MAD1L1: variants seen among roughly 807,000 people sequenced by gnomAD.
MAD1L1 encodes mitotic spindle assembly checkpoint protein MAD1.
A neutral mutation model predicts 96.9 loss-of-function variants in MAD1L1; 95 were observed. The ratio of observed to expected loss-of-function variants is 0.98; its 90% CI spans 0.83 to 1.16. The LOEUF is 1.16. MAD1L1 is among the 50% of genes most tolerant of loss of function. The pLI is 0.00. For missense variants in MAD1L1, 1,007 were observed against 954.4 expected (o/e 1.06, Z -0.73); for synonymous variants, 473 against 396.6 (o/e 1.19, Z -2.29).
Position 2,170,575 on chromosome 7 carries a change from G to A in MAD1L1, c.987-21337C>T, listed in dbSNP as rs181183417. On this transcript the variant is annotated intron_variant, in intron 10 of 18. Transcript: ENST00000265854. ...CTTCATCGTGACATCGGCAGGGACA[G>A]ACAAACAGCTTTGAGCAGGGTCTCG... Among the ~76,000 whole-genome samples the A allele has an allele frequency of 9.0e-3, 1,370 of 152,336 alleles. 13 individuals carry two copies. The highest frequency in any genetic ancestry group is 0.017 in the South Asian group (82 of 4,824).
rs1789334093 is a variant in MAD1L1, at chr7:2,146,872, G to A, written c.1073+2280C>T. On this transcript the variant is annotated intron_variant, in intron 11 of 18. Transcript: ENST00000265854. This position sits in a 1 kb window ranked among gnomAD's most constrained non-coding sequence, Gnocchi z 6.2. The stretch of plus-strand genomic sequence containing the variant: ...GCCACGGCAGGCCGCGACGAACACG[G>A]TGTCCCGCCACGGAAGAGAGCAGCA... Among the ~76,000 whole-genome samples the A allele has an allele frequency of 6.6e-6, 1 of 152,198 alleles. No individual in the cohort carries two copies. The highest frequency in any genetic ancestry group is 2.4e-5 in the African/African-American group (1 of 41,434).
intron 15 of MAD1L1, among the ~76,000 whole-genome samples, chr7:1,970,636 T>C (rs67059662): frequency 0.063 from 9,526 of 152,200 alleles, 442 homozygotes; most frequent in Admixed American, 0.11. Context: ...GCCCAGCCTA[T>C]TATATAATTT....
intron 17 of MAD1L1, among the ~76,000 whole-genome samples, chr7:1,929,141 TTCCCCTCCCTCC>T (rs1554297672): frequency 6.6e-6 from 1 of 151,788 alleles, no homozygotes; most frequent in Non-Finnish European, 1.5e-5. Context: ...GCCAACCATC[TTCCCCTCCCTCC>T]TCCCCTCCCG....
chr7:1,915,379 C>A (rs1205362132), intron 17 of MAD1L1, among the ~76,000 whole-genome samples: 1 of 152,106 alleles, frequency 6.6e-6, no homozygotes. Context: ...GGGAAGGAGA[C>A]CTGGGGCAGA....
At position 2,230,626 on chromosome 7, in the gene MAD1L1, G is replaced by C. The variant is rs182119228; in HGVS notation, c.-88C>G. 8.2e-5 allele frequency: 13 copies of C among 159,342 alleles called. No homozygotes were observed. In the South Asian group the frequency reaches 1.1e-3, roughly 13 times the overall value. 9.9% of individuals were successfully genotyped at this position (159,342 alleles called of 1,614,324 possible). ...AGCCTGGCAGTGTGACACAGTCCAA[G>C]TCTGAAGGCCTCAGAGCCAGGGGTC... On this transcript the variant is annotated 5_prime_UTR_variant, in exon 2 of 19. Coordinates refer to ENST00000265854, the MANE Select transcript of MAD1L1 (RefSeq NM_001013836.2).
chr7:1,848,914 C>G (rs551173881), intron 18 of MAD1L1: 1 of 154,572 alleles, frequency 6.5e-6, no homozygotes, highest in South Asian at 2.0e-4. Flanking sequence ...AGGACAGCCT[C>G]CTTCTCACAC....
chr7:2,143,129 G>A (rs375702421), intron 11 of MAD1L1, among the ~76,000 whole-genome samples: 16 of 152,046 alleles, frequency 1.1e-4, no homozygotes, highest in African/African-American at 2.7e-4. Flanking sequence ...AGCCAGCACC[G>A]TCCACAGGCT....
chr7:1,915,728 C>T (rs942596155), intron 17 of MAD1L1, among the ~76,000 whole-genome samples: 1 of 152,188 alleles, frequency 6.6e-6, no homozygotes, highest in Non-Finnish European at 1.5e-5. Context: ...AAGTCTTTTC[C>T]GCCAGCGGGG....
intron 12 of MAD1L1, among the ~76,000 whole-genome samples, chr7:2,044,029 A>G (rs60137119): frequency 0.29 from 44,770 of 152,200 alleles, 8,082 homozygotes; most frequent in East Asian, 0.52. Context: ...CAGCAACCAC[A>G]GCAAAGGCCT....
chr7:2,189,791 T>C (rs1405234102), intron 10 of MAD1L1, among the ~76,000 whole-genome samples: 2 of 152,250 alleles, frequency 1.3e-5, no homozygotes, highest in Non-Finnish European at 2.9e-5. Flanking sequence ...AACAGTCAAT[T>C]TTATTGTATA....
At chr7:2,154,455 T>C (rs1042290019) in intron 10 of MAD1L1, among the ~76,000 whole-genome samples, 1 of 152,140 alleles carries the variant, frequency 6.6e-6, no homozygotes, top group Non-Finnish European at 1.5e-5. Flanking sequence ...TAACAGTGTA[T>C]TGTATAATTC....
At chr7:1,840,758 A>G (rs1315311528) in intron 18 of MAD1L1, among the ~76,000 whole-genome samples, 4 of 152,182 alleles carry the variant, frequency 2.6e-5, no homozygotes, top group Non-Finnish European at 5.9e-5. Flanking sequence ...AAACAGCAAC[A>G]GCAGTTCAGG....
chr7:2,192,563 C>T (rs566454818), intron 10 of MAD1L1, among the ~76,000 whole-genome samples: 1 of 152,238 alleles, frequency 6.6e-6, no homozygotes, highest in South Asian at 2.1e-4. Context: ...CCACCTAAGC[C>T]GGTAAAGCAG....
chr7:2,121,097 C>T (rs995117332), intron 11 of MAD1L1, among the ~76,000 whole-genome samples: 1 of 152,206 alleles, frequency 6.6e-6, no homozygotes, highest in Non-Finnish European at 1.5e-5. Flanking sequence ...ACTCCCGGCG[C>T]AGGCTCCCAG....
intron 15 of MAD1L1, among the ~76,000 whole-genome samples, chr7:1,965,587 G>A (rs949350685): frequency 1.3e-5 from 2 of 152,370 alleles, no homozygotes; most frequent in Non-Finnish European, 2.9e-5. Context: ...CTTCAGGAGC[G>A]TGGGACCCTC....
chr7:2,053,631 T>A (rs941869920), intron 12 of MAD1L1, among the ~76,000 whole-genome samples: 1 of 152,126 alleles, frequency 6.6e-6, no homozygotes, highest in African/African-American at 2.4e-5. Context: ...GCACAGCACG[T>A]TCCAGCCAGG....
At chr7:1,866,056 G>A (rs763612533) in intron 18 of MAD1L1, among the ~76,000 whole-genome samples, 4 of 152,252 alleles carry the variant, frequency 2.6e-5, no homozygotes, top group Non-Finnish European at 4.4e-5. Flanking sequence ...TCTTGGGATA[G>A]CCAGGGATGT....
At position 2,108,787 on chromosome 7, in the gene MAD1L1, C is replaced by T. The variant is rs80189185; in HGVS notation, c.1074-39449G>A. ...CAGCCCTGGGGAAACGGCTCAGCCT[C>T]GAGCTCCTTCTGAGCTAGGGACGCG... On this transcript the variant is annotated intron_variant, in intron 11 of 18. Coordinates refer to ENST00000265854, the MANE Select transcript of MAD1L1 (RefSeq NM_001013836.2). Among the ~76,000 whole-genome samples the T allele has an allele frequency of 8.5e-3, 1,302 of 152,300 alleles. 18 individuals carry two copies. Among genetic ancestry groups the T allele is most frequent in the African/African-American group, 0.03 (1,228 of 41,564 alleles).
chr7:2,161,826 G>A (rs1225490243), intron 10 of MAD1L1, among the ~76,000 whole-genome samples: 1 of 149,580 alleles, frequency 6.7e-6, no homozygotes, highest in Admixed American at 6.6e-5. Flanking sequence ...GAGCATCTCT[G>A]ACCGGCCGCC....
Sources: allele counts gnomAD v4.1 joint callset (sites outside exome capture counted in the v4.1 genomes callset), GRCh38; gene constraint gnomAD v4.1.1; non-coding constraint Gnocchi (gnomAD v3.1); transcripts MANE v1.5; gene names NCBI Gene and HGNC (gene_info 2026-07-23, HGNC 2026-07-21).